ZFHX3: variants seen among roughly 807,000 people sequenced by gnomAD.
ZFHX3 encodes the protein zinc finger homeobox 3.
Under a neutral mutation model 279.1 loss-of-function variants are expected in ZFHX3, and 42 were observed. The ratio of observed to expected loss-of-function variants is 0.15; its 90% confidence interval spans 0.12 to 0.19. The LOEUF is 0.19. Ranked by LOEUF, ZFHX3 falls within the 10% of genes least tolerant of loss-of-function variation. ZFHX3 has a pLI of 1.00. For synonymous variants in ZFHX3, 2,293 were observed against 1,957.8 expected (o/e 1.17, Z -4.52); for missense variants, 4,981 against 4,754.0 (o/e 1.05, Z -1.40).
chr16:73,482,975 A>G (rs998296675), intron 2 of ZFHX3, among the ~76,000 whole-genome samples: 4 of 152,262 alleles, frequency 2.6e-5, no homozygotes, highest in Admixed American at 6.5e-5. Context: ...AACTACCGCA[A>G]GACACAACAC....
At chr16:73,801,850 G>A (rs549869531) in intron 1 of ZFHX3, among the ~76,000 whole-genome samples, 55 of 152,172 alleles carry the variant, frequency 3.6e-4, no homozygotes, top group Admixed American at 5.9e-4. Flanking sequence ...CAACTTGGGC[G>A]TGTTCATTTT....
intron 4 of ZFHX3, among the ~76,000 whole-genome samples, chr16:72,848,175 C>T (rs937916612): frequency 4.6e-5 from 7 of 152,154 alleles, no homozygotes; most frequent in Non-Finnish European, 8.8e-5. Context: ...GGAGGGCAGG[C>T]GCTCAGGCCT....
At chr16:73,155,696 G>A (rs557593289) in intron 5 of ZFHX3, among the ~76,000 whole-genome samples, 4 of 152,114 alleles carry the variant, frequency 2.6e-5, no homozygotes, top group African/African-American at 7.2e-5. Flanking sequence ...GGCGGCATGC[G>A]CATGTAACCC....
Position 72,957,988 on chromosome 16 carries a change from T to G in ZFHX3, c.2158A>C (p.Thr720Pro). ...HPRLARGESY[T>P]CGYKPFRCEV... ...CAGCGGAAAGGCTTGTAACCACACGTGTAGCTCTCGCCTCGTGCCAGCCGG... is the reference window on the plus strand; with the variant it reads ...CAGCGGAAAGGCTTGTAACCACACGGGTAGCTCTCGCCTCGTGCCAGCCGG... Residue 720 changes from threonine to proline, a missense_variant, in exon 2 of 10, where the codon ACG becomes CCG. Coordinates refer to ENST00000268489, the MANE Select transcript of ZFHX3 (RefSeq NM_006885.4). 6.2e-7 allele frequency: 1 copy of G among 1,614,002 alleles called. No individual in the cohort carries two copies. Among genetic ancestry groups the G allele is most frequent in the Non-Finnish European group, 8.5e-7 (1 of 1,180,028 alleles).
chr16:73,654,456 G>T (rs187484128), intron 2 of ZFHX3, among the ~76,000 whole-genome samples: 1 of 152,010 alleles, frequency 6.6e-6, no homozygotes, highest in African/African-American at 2.4e-5. Flanking sequence ...CTCTTCTTCA[G>T]TTCTTTTTAT....
intron 8 of ZFHX3, among the ~76,000 whole-genome samples, chr16:73,074,220 T>A (rs1354854965): frequency 6.6e-6 from 1 of 152,194 alleles, no homozygotes; most frequent in Non-Finnish European, 1.5e-5. Flanking sequence ...CATCTTTGAG[T>A]CTAGCTGAAG....
intron 4 of ZFHX3, among the ~76,000 whole-genome samples, chr16:73,312,629 G>T (rs997822907): frequency 6.6e-6 from 1 of 152,182 alleles, no homozygotes; most frequent in Admixed American, 6.5e-5. Flanking sequence ...GTGGGCCATG[G>T]ACCAGGAATG....
chr16:73,282,835 C>G (rs932703849), intron 4 of ZFHX3, among the ~76,000 whole-genome samples: 2 of 151,978 alleles, frequency 1.3e-5, no homozygotes, highest in African/African-American at 4.8e-5. Flanking sequence ...TCTTCCTTTC[C>G]TTGGCTTATG....
rs567381672 is a variant in ZFHX3 at position 73,220,155 on chromosome 16, C to T, written c.-1104+36892G>A. Among the ~76,000 whole-genome samples, 6 of 151,798 alleles carry T rather than the reference C, an allele frequency of 4.0e-5. No homozygotes were observed. The East Asian group carries it at 1.2e-3, about 29-fold the overall frequency. ...CGTTTGGGCATTGGGTATACATAGA[C>T]ATAAAGATGGCAACAATAGACGCTG... On this transcript the variant is annotated intron_variant, in intron 5 of 17. Transcript: ENST00000641206.
At chr16:73,667,378 G>A (rs559174796) in intron 2 of ZFHX3, among the ~76,000 whole-genome samples, 2 of 152,314 alleles carry the variant, frequency 1.3e-5, no homozygotes, top group South Asian at 4.1e-4. Context: ...CACTGTAAAT[G>A]TTAACATACG....
At chr16:73,457,500 C>A (rs968047392) in intron 2 of ZFHX3, among the ~76,000 whole-genome samples, 1 of 152,204 alleles carries the variant, frequency 6.6e-6, no homozygotes, top group Non-Finnish European at 1.5e-5. Context: ...CGGCCGGGCA[C>A]GCTGGCTCAC....
chr16:73,788,831 G>A (rs1245043105), intron 1 of ZFHX3, among the ~76,000 whole-genome samples: 1 of 151,482 alleles, frequency 6.6e-6, no homozygotes. Flanking sequence ...AAAATTAGCT[G>A]GGTGTGCCGG....
At position 72,950,883 on chromosome 16, in the gene ZFHX3, G is replaced by T; in HGVS notation, c.2802C>A (p.Phe934Leu). The part of the protein sequence containing the change: ...SEELMNLGES[F>L]IQTNDPSLKL... Reference sequence around the variant, plus strand: ...TCAGCGACGGGTCGTTGGTCTGGATGAAGCTCTCGCCCAGGTTCATCAGCT... The same window carrying T: ...TCAGCGACGGGTCGTTGGTCTGGATTAAGCTCTCGCCCAGGTTCATCAGCT... Residue 934 changes from phenylalanine to leucine, a missense_variant, in exon 3 of 10, where the codon TTC (phenylalanine) becomes TTA (leucine). By Grantham distance (22) the Phe-to-Leu change is conservative. This residue lies in a region of ZFHX3 where 1,751 missense variants were observed against 1,770.0 expected (regional missense o/e 0.99). Transcript: ENST00000268489. 1 of 1,614,048 alleles carries T rather than the reference G, an allele frequency of 6.2e-7. No individual in the cohort carries two copies. The highest frequency in any genetic ancestry group is 8.5e-7 in the Non-Finnish European group (1 of 1,180,036).
In ZFHX3 at chr16:73,589,780, C is replaced by CCTGTCTTGT. The variant is rs1422621540; in HGVS notation, c.-1547+90391_-1547+90399dup. Among the ~76,000 whole-genome samples the CCTGTCTTGT allele has an allele frequency of 4.6e-5, 5 of 108,138 alleles. No individual in the cohort carries two copies. The Admixed American group carries it at 5.5e-4, about 12-fold the overall frequency. 70.9% of individuals were successfully genotyped at this position (108,138 alleles called of 152,430 possible). On this transcript the variant is annotated intron_variant, in intron 2 of 17. Transcript: ENST00000641206. ...AAAAAAAAAAAAAAAAAGAATATAC[C>CCTGTCTTGT]CTGTCTTGTGCATTTGACTTTGGAA...
At chr16:73,108,140 G>T (rs935328355) in intron 7 of ZFHX3, among the ~76,000 whole-genome samples, 1 of 151,958 alleles carries the variant, frequency 6.6e-6, no homozygotes, top group South Asian at 2.1e-4. Context: ...CAGCCTGGGC[G>T]ACAGAGCAAG....
At chr16:73,246,630 A>C (rs1319469044) in intron 5 of ZFHX3, among the ~76,000 whole-genome samples, 1 of 152,188 alleles carries the variant, frequency 6.6e-6, no homozygotes, top group Non-Finnish European at 1.5e-5. Context: ...TGTATTTAAA[A>C]AAGGAGAGAG....
chr16:73,230,437 TA>T (rs1005929154), intron 5 of ZFHX3, among the ~76,000 whole-genome samples: 5 of 151,872 alleles, frequency 3.3e-5, no homozygotes, highest in Non-Finnish European at 4.4e-5. Flanking sequence ...CTCAATGATA[TA>T]AAAAAAATAC....
rs181664833 is a variant in ZFHX3, at chr16:73,031,332, G to A, written c.-50+16420C>T. Among the ~76,000 whole-genome samples, 23 of 152,250 alleles carry A rather than the reference G, an allele frequency of 1.5e-4. No individual in the cohort carries two copies. In the South Asian group the frequency reaches 3.9e-3, roughly 26 times the overall value. On this transcript the variant is annotated intron_variant, in intron 1 of 9. Coordinates refer to ENST00000268489, the MANE Select transcript of ZFHX3 (RefSeq NM_006885.4). Reference sequence around the variant, plus strand: ...ACCAAACCCAAATGTTCACACCAGCGAAGGAAGGAAGGACGCAGGAAAACA... The same window carrying A: ...ACCAAACCCAAATGTTCACACCAGCAAAGGAAGGAAGGACGCAGGAAAACA...
At chr16:73,000,263 G>C (rs571205530) in intron 1 of ZFHX3, among the ~76,000 whole-genome samples, 1 of 152,230 alleles carries the variant, frequency 6.6e-6, no homozygotes, top group African/African-American at 2.4e-5. Context: ...CGAAGGGCAC[G>C]CGGTGAAAGG....
Sources: gnomAD v4.1 joint callset for allele counts (sites outside exome capture counted in the v4.1 genomes callset) on GRCh38, gnomAD v4.1.1 for gene constraint, gnomAD v4.1.1 regional missense constraint, MANE v1.5 for transcripts, NCBI Gene and HGNC (gene_info 2026-07-23, HGNC 2026-07-21) for gene names.